Variants in FOXP2 observed in about 807,000 individuals in gnomAD.
The protein encoded by FOXP2 is forkhead box P2, also known as forkhead box protein P2.
FOXP2 carries 12 observed loss-of-function variants against 115.8 expected under a neutral mutation model. The observed-to-expected ratio is 0.10, with a 90% confidence interval of 0.07 to 0.17. FOXP2 has a LOEUF of 0.17. Among genes scored for constraint, FOXP2 ranks in the 10% least tolerant of loss-of-function variants. The pLI is 1.00. For synonymous variants in FOXP2, 328 were observed against 297.7 expected (o/e 1.10, Z -1.05); for missense variants, 629 against 843.5 (o/e 0.75, Z 3.15).
At chr7:114,618,529 A>G (rs1369389921) in intron 3 of FOXP2, among the ~76,000 whole-genome samples, 1 of 152,184 alleles carries the variant, frequency 6.6e-6, no homozygotes, top group Non-Finnish European at 1.5e-5. Context: ...TTTAACAAGG[A>G]CATACTTCCT....
chr7:114,357,122 T>A (rs1791636100), intron 2 of FOXP2, among the ~76,000 whole-genome samples: 2 of 152,170 alleles, frequency 1.3e-5, no homozygotes, highest in African/African-American at 4.8e-5. Flanking sequence ...CATCAGAATT[T>A]TTCCTGGCCA....
chr7:114,476,613 T>C (rs1796277431), intron 2 of FOXP2, among the ~76,000 whole-genome samples: 1 of 152,004 alleles, frequency 6.6e-6, no homozygotes, highest in African/African-American at 2.4e-5. Context: ...GCTCTTTTTT[T>C]GGTTCCATAT....
intron 1 of FOXP2, among the ~76,000 whole-genome samples, chr7:114,284,761 T>C (rs969215976): frequency 1.1e-4 from 16 of 152,204 alleles, no homozygotes; most frequent in African/African-American, 3.9e-4. Flanking sequence ...TGCTCACATA[T>C]GTTCCTTGTA....
chr7:114,422,445 A>T (rs1161997701), intron 1 of FOXP2, among the ~76,000 whole-genome samples: 2 of 151,750 alleles, frequency 1.3e-5, no homozygotes, highest in African/African-American at 4.8e-5. Flanking sequence ...TAGAATGCAG[A>T]GTGTGGTTCA....
chr7:114,314,402 C>G (rs1797223842), intron 2 of FOXP2, among the ~76,000 whole-genome samples: 1 of 151,884 alleles, frequency 6.6e-6, no homozygotes, highest in African/African-American at 2.4e-5. Context: ...ATAGATGCAC[C>G]CTTGCTCTTT....
intron 2 of FOXP2, among the ~76,000 whole-genome samples, chr7:114,349,696 C>T (rs565235013): frequency 6.6e-6 from 1 of 151,088 alleles, no homozygotes; most frequent in Admixed American, 6.6e-5. Flanking sequence ...TGTGTTCTGC[C>T]TTAGATCTTC....
At position 114,527,986 on chromosome 7, in the gene FOXP2, T is replaced by G. The variant is rs577550670; in HGVS notation, c.169-6631T>G. Among the ~76,000 whole-genome samples, 138 of 152,208 alleles carry G rather than the reference T, an allele frequency of 9.1e-4. 1 individual carries two copies. In the Middle Eastern group the frequency reaches 0.031, roughly 34 times the overall value. On this transcript the variant is annotated intron_variant, in intron 2 of 16. Transcript: ENST00000350908. ...CATCCCTTATCTATCCTTTACAACA[T>G]GACTTCAGTATTGTCCTGGGCCAGG...
chr7:114,098,423 C>CT (rs1347772894), intron 1 of FOXP2, among the ~76,000 whole-genome samples: 5 of 152,064 alleles, frequency 3.3e-5, no homozygotes, highest in African/African-American at 1.2e-4. Context: ...GAAATAAATC[C>CT]AAATGGTCAA....
chr7:114,448,727 C>G (rs1794941872), intron 2 of FOXP2, among the ~76,000 whole-genome samples: 1 of 152,058 alleles, frequency 6.6e-6, no homozygotes, highest in Non-Finnish European at 1.5e-5. Flanking sequence ...TGAGGGTAAA[C>G]TCGGTATTTA....
rs779326713 is a variant in FOXP2, at chr7:114,629,593, A to AT, written c.397-206dup. On this transcript the variant is annotated intron_variant, in intron 4 of 16. Transcript: ENST00000350908. ...GACTTTCTATACCCTTTTGTTTAGG[A>AT]TTTTTTGGATTCTGGATTGGAAAAT... The AT allele has an allele frequency of 8.9e-5, 138 of 1,547,964 alleles. No individual in the cohort carries two copies. Among genetic ancestry groups the AT allele is most frequent in the Non-Finnish European group, 1.1e-4 (128 of 1,152,360 alleles).
intron 3 of FOXP2, among the ~76,000 whole-genome samples, chr7:114,613,153 A>G (rs1803722530): frequency 1.3e-5 from 2 of 152,206 alleles, no homozygotes; most frequent in Non-Finnish European, 2.9e-5. Flanking sequence ...CTTAATGTGC[A>G]TCATAACTGC....
At chr7:114,300,058 TCACA>T (rs1252241390) in intron 2 of FOXP2, among the ~76,000 whole-genome samples, 1 of 150,564 alleles carries the variant, frequency 6.6e-6, no homozygotes, top group African/African-American at 2.4e-5. Flanking sequence ...GTACACACAC[TCACA>T]CACACACACA....
At chr7:114,394,731 A>G (rs753008999) in intron 2 of FOXP2, among the ~76,000 whole-genome samples, 1 of 152,202 alleles carries the variant, frequency 6.6e-6, no homozygotes, top group Non-Finnish European at 1.5e-5. Flanking sequence ...ACCAAAATTA[A>G]GGGACATCTA....
At chr7:114,680,654 G>A (rs745426943) in intron 16 of FOXP2, among the ~76,000 whole-genome samples, 10 of 151,514 alleles carry the variant, frequency 6.6e-5, no homozygotes, top group Non-Finnish European at 1.3e-4. Context: ...TGAGGCAGGA[G>A]AATCACTTGA....
chr7:114,526,964 C>A (rs922920933), intron 2 of FOXP2, among the ~76,000 whole-genome samples: 1 of 150,242 alleles, frequency 6.7e-6, no homozygotes, highest in Non-Finnish European at 1.5e-5. Flanking sequence ...TTCTATCTTA[C>A]GTCTGGGCCC....
chr7:114,285,126 G>A (rs1796434892), intron 1 of FOXP2, among the ~76,000 whole-genome samples: 1 of 152,076 alleles, frequency 6.6e-6, no homozygotes, highest in Non-Finnish European at 1.5e-5. Context: ...AGAAGTCCCT[G>A]TGGCATGAAA....
intron 2 of FOXP2, among the ~76,000 whole-genome samples, chr7:114,404,523 G>A (rs148731716): frequency 1.2e-4 from 19 of 152,112 alleles, no homozygotes; most frequent in African/African-American, 4.3e-4. Flanking sequence ...TGTTTAATCT[G>A]TGGAGTAGAT....
chr7:114,680,395 C>T (rs1183686980), intron 16 of FOXP2, among the ~76,000 whole-genome samples: 2 of 152,054 alleles, frequency 1.3e-5, no homozygotes, highest in Admixed American at 1.3e-4. Flanking sequence ...TGCACTAAAA[C>T]CAAAGTTGAT....
At chr7:114,452,546 C>T (rs1795118012) in intron 2 of FOXP2, among the ~76,000 whole-genome samples, 1 of 152,012 alleles carries the variant, frequency 6.6e-6, no homozygotes, top group Admixed American at 6.6e-5. Flanking sequence ...TTCCAGACTT[C>T]CATATAAAAG....
Sources: allele counts gnomAD v4.1 joint callset (sites outside exome capture counted in the v4.1 genomes callset), GRCh38; gene constraint gnomAD v4.1.1; transcripts MANE v1.5; gene names NCBI Gene and HGNC (gene_info 2026-07-23, HGNC 2026-07-21).